The following ADARB2 variants were observed in gnomAD, a reference collection of about 807,000 sequenced individuals.
ADARB2 encodes adenosine deaminase RNA specific B2 (inactive).
Under a neutral mutation model 62.2 loss-of-function variants are expected in ADARB2, and 25 were observed. That is an observed-to-expected ratio of 0.40 (90% CI 0.29 to 0.56). The LOEUF is 0.56. Among genes scored for constraint, ADARB2 ranks in the 20% least tolerant of loss-of-function variants. The pLI is 0.43. For synonymous variants in ADARB2, 572 were observed against 500.8 expected (o/e 1.14, Z -1.90); for missense variants, 1,071 against 1,077.4 (o/e 0.99, Z 0.08).
intron 1 of ADARB2, among the ~76,000 whole-genome samples, chr10:1,672,734 G>GTCTCCT (rs1834407150): frequency 1.3e-5 from 2 of 151,554 alleles, no homozygotes; most frequent in Non-Finnish European, 2.9e-5. Flanking sequence ...CGCACCGCAA[G>GTCTCCT]GCTCCTGCCT....
intron 1 of ADARB2, among the ~76,000 whole-genome samples, chr10:1,630,020 C>T (rs1008063628): frequency 2.0e-5 from 3 of 152,186 alleles, no homozygotes; most frequent in African/African-American, 7.2e-5. Flanking sequence ...CCCAGCCACA[C>T]CCACTTGGCA....
chr10:1,444,057 C>T (rs2131897079), intron 1 of ADARB2, among the ~76,000 whole-genome samples: 1 of 150,772 alleles, frequency 6.6e-6, no homozygotes, highest in African/African-American at 2.4e-5. Context: ...ATCCATGCAC[C>T]CACACACCAC....
chr10:1,546,741 G>T (rs754411491), intron 1 of ADARB2, among the ~76,000 whole-genome samples: 1 of 152,234 alleles, frequency 6.6e-6, no homozygotes, highest in Non-Finnish European at 1.5e-5. Context: ...TGAAAACAAC[G>T]CTGGGAGGTC....
chr10:1,570,766 G>A (rs1832923731), intron 1 of ADARB2, among the ~76,000 whole-genome samples: 1 of 152,154 alleles, frequency 6.6e-6, no homozygotes, highest in Non-Finnish European at 1.5e-5. Flanking sequence ...TGGGAGGACG[G>A]GGCAGATAGG....
intron 1 of ADARB2, among the ~76,000 whole-genome samples, chr10:1,412,793 C>T (rs765037272): frequency 4.3e-4 from 66 of 152,322 alleles, no homozygotes; most frequent in Non-Finnish European, 6.0e-4. Flanking sequence ...TACGTTGCTT[C>T]TCTACGTCTC....
At chr10:1,504,656 A>G (rs1399020579) in intron 1 of ADARB2, among the ~76,000 whole-genome samples, 1 of 152,264 alleles carries the variant, frequency 6.6e-6, no homozygotes, top group Non-Finnish European at 1.5e-5. Context: ...GCCAGTCTGC[A>G]GGTGGGGCAG....
intron 1 of ADARB2, among the ~76,000 whole-genome samples, chr10:1,565,751 T>G (rs1414882205): frequency 1.3e-5 from 2 of 152,174 alleles, no homozygotes; most frequent in Admixed American, 1.3e-4. Context: ...CAAAGACACT[T>G]ATTTCATCAA....
intron 1 of ADARB2, among the ~76,000 whole-genome samples, chr10:1,550,359 G>A (rs1281057604): frequency 1.3e-5 from 2 of 152,176 alleles, no homozygotes; most frequent in Non-Finnish European, 2.9e-5. Context: ...GGCCTGACAC[G>A]GCGAACAGCA....
chr10:1,401,266 C>T (rs947116641), intron 1 of ADARB2, among the ~76,000 whole-genome samples: 1 of 152,164 alleles, frequency 6.6e-6, no homozygotes, highest in African/African-American at 2.4e-5. Context: ...TCGTGACTTT[C>T]CCACAAGGCA....
chr10:1,659,751 C>T lies in ADARB2; in HGVS notation c.100+77300G>A, dbSNP rs1834220759. ...GTAGTTCCTCCGCCTGCCTTCCCTC[C>T]TCTCCTCCAGTGTCCTGTGAGACTC... On this transcript the variant is annotated intron_variant, in intron 1 of 9. Transcript: ENST00000381312. Among the ~76,000 whole-genome samples, 3 of 152,232 alleles carry T rather than the reference C, an allele frequency of 2.0e-5. No homozygotes were observed. The South Asian group carries it at 6.2e-4, about 31-fold the overall frequency.
At chr10:1,688,962 T>C (rs1834634137) in intron 1 of ADARB2, among the ~76,000 whole-genome samples, 1 of 152,354 alleles carries the variant, frequency 6.6e-6, no homozygotes, top group East Asian at 1.9e-4. Context: ...AAATAAGTCA[T>C]GTTACTTCCT....
At chr10:1,442,477 A>G (rs774553895) in intron 1 of ADARB2, among the ~76,000 whole-genome samples, 6 of 152,210 alleles carry the variant, frequency 3.9e-5, no homozygotes, top group Non-Finnish European at 7.3e-5. Context: ...CTTGAAGCCA[A>G]ACTGAAAAAA....
intron 1 of ADARB2, among the ~76,000 whole-genome samples, chr10:1,577,792 G>A (rs1443982261): frequency 6.6e-6 from 1 of 152,218 alleles, no homozygotes; most frequent in Non-Finnish European, 1.5e-5. Context: ...ATCAGACGGT[G>A]ACTGTATTTG....
chr10:1,326,250 T>G (rs1309809218), intron 3 of ADARB2, among the ~76,000 whole-genome samples: 1 of 152,194 alleles, frequency 6.6e-6, no homozygotes, highest in Non-Finnish European at 1.5e-5. Context: ...GAGCCGATTT[T>G]AACTCACTAA....
At chr10:1,596,747 G>A (rs1833341350) in intron 1 of ADARB2, among the ~76,000 whole-genome samples, 1 of 152,224 alleles carries the variant, frequency 6.6e-6, no homozygotes, top group Non-Finnish European at 1.5e-5. Context: ...AGCACCTCCG[G>A]GAAGGCCTGT....
At chr10:1,377,449 CAT>C (rs1832443648) in intron 2 of ADARB2, among the ~76,000 whole-genome samples, 2 of 104,596 alleles carry the variant, frequency 1.9e-5, no homozygotes, top group Middle Eastern at 9.6e-3. Context: ...CTGGGGTGTG[CAT>C]ATGTGTGTGT....
chr10:1,435,067 A>T (rs1031872868), intron 1 of ADARB2, among the ~76,000 whole-genome samples: 1 of 152,234 alleles, frequency 6.6e-6, no homozygotes, highest in African/African-American at 2.4e-5. Context: ...GAAGCACAGC[A>T]CGGACCTGGG....
chr10:1,472,662 C>T (rs372183027), intron 1 of ADARB2, among the ~76,000 whole-genome samples: 6 of 152,306 alleles, frequency 3.9e-5, no homozygotes, highest in Admixed American at 6.5e-5. Context: ...GAAATCGGTC[C>T]GGCACAACCT....
intron 4 of ADARB2, among the ~76,000 whole-genome samples, chr10:1,247,861 T>C (rs1265682114): frequency 1.3e-5 from 2 of 152,046 alleles, no homozygotes; most frequent in Non-Finnish European, 2.9e-5. Flanking sequence ...AAACCAGTGG[T>C]ATTTGGGGCT....
Sources: gnomAD v4.1 joint callset for allele counts (sites outside exome capture counted in the v4.1 genomes callset) on GRCh38, gnomAD v4.1.1 for gene constraint, MANE v1.5 for transcripts, NCBI Gene and HGNC (gene_info 2026-07-23, HGNC 2026-07-21) for gene names.